Variants in IFT56 observed in about 807,000 individuals in gnomAD.
IFT56 encodes the protein intraflagellar transport protein 56.
chr7:139,172,672 C>T, the IFT56 span: 1 of 617,604 alleles, frequency 1.6e-6, no homozygotes, highest in East Asian at 4.3e-5. Flanking sequence ...AAAAGGACAT[C>T]TTTCCAAGGA....
the IFT56 span, among the ~76,000 whole-genome samples, chr7:139,186,768 C>A: frequency 1.3e-5 from 2 of 152,040 alleles, no homozygotes; most frequent in Non-Finnish European, 2.9e-5. Context: ...AGTTTATCCT[C>A]AAGATTAGAA....
chr7:139,173,179 T>A, the IFT56 span: 2 of 597,766 alleles, frequency 3.3e-6, no homozygotes, highest in Non-Finnish European at 6.1e-6. Context: ...CGTATTAGTG[T>A]TTATGGCACT....
chr7:139,168,486 T>G, the IFT56 span: 3 of 896,060 alleles, frequency 3.3e-6, no homozygotes, highest in South Asian at 4.1e-5. Context: ...CAAGCAGCAA[T>G]AGGCTCTCCT....
chr7:139,189,318 C>T, the IFT56 span: 4 of 1,590,786 alleles, frequency 2.5e-6, no homozygotes, highest in Non-Finnish European at 2.6e-6. Flanking sequence ...ATCTTTTCCT[C>T]AGAGAGACCC....
the IFT56 span, among the ~76,000 whole-genome samples, chr7:139,159,715 A>G: frequency 6.6e-6 from 1 of 152,210 alleles, no homozygotes; most frequent in Non-Finnish European, 1.5e-5. Flanking sequence ...CATTGTTCTC[A>G]CTAAATTTTT....
chr7:139,146,419 C>T, the IFT56 span, among the ~76,000 whole-genome samples: 2 of 152,160 alleles, frequency 1.3e-5, no homozygotes, highest in Admixed American at 6.5e-5. Flanking sequence ...CACTAGGTTA[C>T]ATGATGAGAA....
At chr7:139,183,517 A>T in the IFT56 span, among the ~76,000 whole-genome samples, 201 of 152,318 alleles carry the variant, frequency 1.3e-3, no homozygotes, top group African/African-American at 4.6e-3. Flanking sequence ...GAAATGGCAG[A>T]ATTAAGCCCT....
At chr7:139,169,442 A>G in the IFT56 span, 2 of 1,177,120 alleles carry the variant, frequency 1.7e-6, no homozygotes, top group Non-Finnish European at 2.5e-6. Flanking sequence ...CTAGGGATGT[A>G]TCTATTAGGC....
the IFT56 span, chr7:139,148,468 A>G: frequency 8.1e-7 from 1 of 1,232,476 alleles, no homozygotes; most frequent in East Asian, 2.3e-5. Flanking sequence ...GTTATCTGTA[A>G]CTCTTGATTA....
chr7:139,147,209 T>C, the IFT56 span: 1 of 1,613,678 alleles, frequency 6.2e-7, no homozygotes, highest in Non-Finnish European at 8.5e-7. Context: ...GAAGATCAAC[T>C]CAGTTTGGCC....
chr7:139,162,589 G>A, the IFT56 span, among the ~76,000 whole-genome samples: 2 of 152,054 alleles, frequency 1.3e-5, no homozygotes, highest in Non-Finnish European at 2.9e-5. Context: ...GTTCTACCAT[G>A]TACTAGTTTT....
chr7:139,178,303 G>GA, the IFT56 span: 1 of 1,609,688 alleles, frequency 6.2e-7, no homozygotes, highest in East Asian at 2.2e-5. Context: ...CTCATTTAAG[G>GA]TCAGTATAGA....
the IFT56 span, chr7:139,160,935 C>T: frequency 1.2e-6 from 2 of 1,609,868 alleles, no homozygotes; most frequent in African/African-American, 2.7e-5. Flanking sequence ...AGCCTTTCTT[C>T]TTTAAATTTC....
the IFT56 span, among the ~76,000 whole-genome samples, chr7:139,134,200 C>A: frequency 2.0e-5 from 3 of 151,958 alleles, no homozygotes; most frequent in Non-Finnish European, 4.4e-5. Context: ...GATGGCTCTT[C>A]TAGTAGAATA....
chr7:139,139,828 G>A, the IFT56 span: 1 of 1,065,624 alleles, frequency 9.4e-7, no homozygotes, highest in South Asian at 1.4e-5. Context: ...TTCCATTGTG[G>A]AAGAATGGCC....
the IFT56 span, among the ~76,000 whole-genome samples, chr7:139,183,358 G>A: frequency 6.6e-6 from 1 of 152,084 alleles, no homozygotes; most frequent in Non-Finnish European, 1.5e-5. Context: ...TACACTACAG[G>A]AACAGCAGGA....
At chr7:139,140,577 C>T in the IFT56 span, among the ~76,000 whole-genome samples, 1 of 151,602 alleles carries the variant, frequency 6.6e-6, no homozygotes, top group Non-Finnish European at 1.5e-5. Flanking sequence ...GTCAGGAGTT[C>T]GAGACCTGCC....
the IFT56 span, among the ~76,000 whole-genome samples, chr7:139,141,932 G>C: frequency 2.6e-4 from 39 of 152,338 alleles, no homozygotes; most frequent in African/African-American, 9.4e-4. Flanking sequence ...TCTTACCACT[G>C]TTTGGTTTGG....
the IFT56 span, among the ~76,000 whole-genome samples, chr7:139,153,308 G>A: frequency 6.6e-6 from 1 of 151,806 alleles, no homozygotes; most frequent in African/African-American, 2.4e-5. Context: ...AAAATTAACC[G>A]GACGTGATGG....
Sources: gnomAD v4.1 joint callset for allele counts (sites outside exome capture counted in the v4.1 genomes callset) on GRCh38, gnomAD v4.1.1 for gene constraint, MANE v1.5 for transcripts, NCBI Gene and HGNC (gene_info 2026-07-23, HGNC 2026-07-21) for gene names.